The following C12orf50 variants were observed in gnomAD, a reference collection of about 807,000 sequenced individuals.
C12orf50 encodes uncharacterized protein C12orf50.
A neutral mutation model predicts 61.6 loss-of-function variants in C12orf50; 35 were observed. The observed-to-expected ratio is 0.57, with a 90% CI of 0.43 to 0.75. The LOEUF is 0.75. Among genes scored for constraint, C12orf50 ranks in the 30% least tolerant of loss-of-function variants. The probability of loss-of-function intolerance (pLI) is 0.00; values close to 1 mark genes in which losing one functional copy is unlikely to be tolerated. For missense variants in C12orf50, 475 were observed against 488.5 expected, an observed-to-expected ratio of 0.97 and a Z score of 0.26; for synonymous variants, 178 against 161.5, an observed-to-expected ratio of 1.10 and a Z score of -0.77.
chr12:88,017,070 G>GAA (rs1304958240), intron 3 of C12orf50, among the ~76,000 whole-genome samples: 7 of 152,194 alleles, frequency 4.6e-5, no homozygotes, highest in African/African-American at 1.7e-4. Flanking sequence ...TATGCACTAG[G>GAA]AAAAGCAAGT....
chr12:87,988,678 G>T (rs958006109), intron 8 of C12orf50, among the ~76,000 whole-genome samples: 3 of 152,062 alleles, frequency 2.0e-5, no homozygotes, highest in African/African-American at 7.2e-5. Context: ...ATATTTAATG[G>T]TAGAGATGGT....
At chr12:87,994,037 TAAAAATAC>T in intron 7 of C12orf50, among the ~76,000 whole-genome samples, 1 of 151,892 alleles carries the variant, frequency 6.6e-6, no homozygotes, top group Non-Finnish European at 1.5e-5. Context: ...CCGTCTCTAC[TAAAAATAC>T]AAAAATTAGC....
intron 3 of C12orf50, among the ~76,000 whole-genome samples, chr12:88,017,832 T>C (rs906449786): frequency 6.6e-6 from 1 of 152,202 alleles, no homozygotes; most frequent in Non-Finnish European, 1.5e-5. Context: ...TAGAGATTTG[T>C]GGAACTTTGA....
intron 3 of C12orf50, among the ~76,000 whole-genome samples, chr12:88,001,986 C>G (rs2031673891): frequency 6.6e-6 from 1 of 151,486 alleles, no homozygotes; most frequent in East Asian, 1.9e-4. Flanking sequence ...TATTCATATT[C>G]TCTAGTTCAT....
chr12:87,997,545 G>C (rs2136432532), intron 4 of C12orf50, among the ~76,000 whole-genome samples: 1 of 152,138 alleles, frequency 6.6e-6, no homozygotes, highest in East Asian at 1.9e-4. Flanking sequence ...TATCACTCCT[G>C]ATGTTATCCC....
At chr12:88,014,476 A>AT (rs1280930709) in intron 3 of C12orf50, among the ~76,000 whole-genome samples, 1 of 151,752 alleles carries the variant, frequency 6.6e-6, no homozygotes, top group Non-Finnish European at 1.5e-5. Flanking sequence ...TAATTTTTGT[A>AT]TTTTTAGTAG....
At chr12:88,026,854 A>G in intron 2 of C12orf50, 97 bp downstream of exon 2, 1 of 1,504,752 alleles carries the variant, frequency 6.6e-7, no homozygotes, top group African/African-American at 1.4e-5. Flanking sequence ...TAGTAGAAGG[A>G]AGAATGATTT....
chr12:88,008,747 C>G (rs113167344), intron 3 of C12orf50, among the ~76,000 whole-genome samples: 1 of 152,024 alleles, frequency 6.6e-6, no homozygotes, highest in African/African-American at 2.4e-5. Flanking sequence ...CCTAAACATC[C>G]TCTTCATTCA....
intron 7 of C12orf50, among the ~76,000 whole-genome samples, chr12:87,993,808 T>A (rs1232659640): frequency 6.6e-6 from 1 of 152,232 alleles, no homozygotes; most frequent in Non-Finnish European, 1.5e-5. Flanking sequence ...TTTTCCAACA[T>A]GTTTATGCTA....
chr12:88,013,950 C>A (rs540484702), intron 3 of C12orf50, among the ~76,000 whole-genome samples: 1 of 152,178 alleles, frequency 6.6e-6, no homozygotes, highest in Non-Finnish European at 1.5e-5. Context: ...ATCCGGGCTT[C>A]TGAGCTTCAC....
intron 8 of C12orf50, 143 bp downstream of exon 8, chr12:87,989,121 C>A: frequency 1.7e-6 from 1 of 583,656 alleles, no homozygotes; most frequent in Non-Finnish European, 3.0e-6. Flanking sequence ...AGAGCCAGGA[C>A]TGGAACCTTA....
intron 3 of C12orf50, among the ~76,000 whole-genome samples, chr12:88,017,926 A>G (rs879607718): frequency 9.2e-5 from 14 of 152,240 alleles, no homozygotes; most frequent in Admixed American, 4.6e-4. Flanking sequence ...GTGCTGCTAA[A>G]GGCATTCAGT....
Position 88,027,051 on chromosome 12 carries a change from C to T in C12orf50, c.-89G>A, listed in dbSNP as rs374305863. On this transcript the variant is annotated 5_prime_UTR_variant, in exon 2 of 13. Transcript: ENST00000298699. ...ACTGCCAAGGGCCTCTTCACAGTGTCGGAATCGGCACTGGGAACCCTAAAA... is the reference window on the plus strand; with the variant it reads ...ACTGCCAAGGGCCTCTTCACAGTGTTGGAATCGGCACTGGGAACCCTAAAA... 5.9e-5 allele frequency: 95 copies of T among 1,611,798 alleles called. No homozygotes were observed. The highest frequency in any genetic ancestry group is 3.7e-4 in the Admixed American group (22 of 59,418).
At chr12:87,982,825 G>A (rs11104698) in intron 12 of C12orf50, among the ~76,000 whole-genome samples, 25,673 of 150,440 alleles carry the variant, frequency 0.17, 3,308 homozygotes, top group African/African-American at 0.37. Flanking sequence ...GCATCTTAAC[G>A]TATTACATGA....
chr12:88,021,950 T>A (rs1274448157), intron 3 of C12orf50, among the ~76,000 whole-genome samples: 1 of 151,646 alleles, frequency 6.6e-6, no homozygotes, highest in East Asian at 1.9e-4. Context: ...TGAGACTATT[T>A]CAAAAAATTG....
chr12:87,996,793 C>T (rs1225854238), intron 4 of C12orf50, 147 bp from the exon 5 acceptor site: 1 of 610,396 alleles, frequency 1.6e-6, no homozygotes, highest in Non-Finnish European at 2.8e-6. Flanking sequence ...CATACTAGTA[C>T]ATGTTTCAAA....
intron 9 of C12orf50, among the ~76,000 whole-genome samples, chr12:87,987,574 A>G (rs539997543): frequency 6.6e-6 from 1 of 152,274 alleles, no homozygotes. Context: ...GGCGCAATTT[A>G]AAAGGTTATG....
Position 87,985,929 on chromosome 12 carries a change from T to G in C12orf50, c.1047A>C (p.Ala349=). 1 of 1,613,834 alleles carries G rather than the reference T, an allele frequency of 6.2e-7. No individual in the cohort carries two copies. The highest frequency in any genetic ancestry group is 8.5e-7 in the Non-Finnish European group (1 of 1,179,878). ...RDAVRTVALN[A]PSRSRPTHGS... is the part of the protein sequence containing the mutation. ...CATGCGTGGGCCTGCTGCGGGAAGGTGCATTCAACGCGACAGTCCTGACAG... is the reference window on the plus strand; with the variant it reads ...CATGCGTGGGCCTGCTGCGGGAAGGGGCATTCAACGCGACAGTCCTGACAG... The change falls in exon 11 of 13, where the codon GCA becomes GCC. Residue 349 remains alanine (A), a synonymous_variant. Transcript: ENST00000298699.
At chr12:88,026,448 A>G (rs779713303) in intron 3 of C12orf50, 40 bp downstream of exon 3, 4 of 1,593,760 alleles carry the variant, frequency 2.5e-6, no homozygotes, top group Non-Finnish European at 2.6e-6. Flanking sequence ...AAACCAGATT[A>G]GAATATGGTA....
Sources: allele counts gnomAD v4.1 joint callset (sites outside exome capture counted in the v4.1 genomes callset), GRCh38; gene constraint gnomAD v4.1.1; transcripts MANE v1.5; gene names NCBI Gene and HGNC (gene_info 2026-07-23, HGNC 2026-07-21).